The following TAPT1 variants were observed in gnomAD, a reference collection of about 807,000 sequenced individuals.
TAPT1 encodes transmembrane anterior posterior transformation 1, also known as transmembrane anterior posterior transformation protein 1 homolog.
TAPT1 carries 28 observed loss-of-function variants against 65.6 expected under a neutral mutation model. The ratio of observed to expected loss-of-function variants is 0.43; its 90% CI spans 0.32 to 0.59. TAPT1 has a LOEUF of 0.59. Among genes scored for constraint, TAPT1 ranks in the 20% least tolerant of loss-of-function variants. The probability of loss-of-function intolerance (pLI) is 0.09; values close to 1 mark genes in which losing one functional copy is unlikely to be tolerated. For missense variants in TAPT1, 563 were observed against 679.9 expected, an observed-to-expected ratio of 0.83 and a Z score of 1.91; for synonymous variants, 278 against 245.2, an observed-to-expected ratio of 1.13 and a Z score of -1.25.
chr4:16,212,522 G>A (rs566063879), intron 2 of TAPT1, among the ~76,000 whole-genome samples: 229 of 152,212 alleles, frequency 1.5e-3, no homozygotes, highest in African/African-American at 5.2e-3. Context: ...CAAAATCTTC[G>A]ATAAATCTCA....
chr4:16,220,525 T>C (rs562593340), intron 1 of TAPT1, among the ~76,000 whole-genome samples: 2 of 152,150 alleles, frequency 1.3e-5, no homozygotes, highest in Admixed American at 6.5e-5. Context: ...CCAAGGCGGG[T>C]GGATCCCAAT....
At position 16,164,989 on chromosome 4, in the gene TAPT1, A is replaced by G. The variant is rs535332727; in HGVS notation, c.1475-1452T>C. ...CCTCTCCTCCCTCTTTCTGAAGCAC[A>G]CTCCACACTTGCCATATTGAGCTGC... On this transcript the variant is annotated intron_variant, in intron 13 of 13. Coordinates refer to ENST00000405303, the MANE Select transcript of TAPT1 (RefSeq NM_153365.3). 3.3e-5 allele frequency among the ~76,000 whole-genome samples: 5 copies of G among 152,062 alleles called. No homozygotes were observed. The South Asian group carries it at 1.0e-3, about 32-fold the overall frequency.
Position 16,176,187 on chromosome 4 carries a change from C to A in TAPT1, c.1039G>T (p.Ala347Ser). 6.3e-7 allele frequency: 1 copy of A among 1,577,134 alleles called. No homozygotes were observed. Among genetic ancestry groups the A allele is most frequent in the Non-Finnish European group, 8.6e-7 (1 of 1,160,634 alleles). The change falls in exon 9 of 14, where the codon GCA becomes TCA. Residue 347 changes from alanine (A) to serine (S), a missense_variant. Ala to Ser is a moderately conservative substitution (Grantham distance 99). This residue lies in a region of TAPT1 where 104 missense variants were observed against 102.5 expected (regional missense o/e 1.01). Transcript: ENST00000405303. The part of the protein sequence containing the change: ...VLFPDVCMVI[A>S]SEIAVDIVKH... Reference sequence around the variant, plus strand: ...ACAATATCCACGGCAATTTCTGATGCAATTACCATACAGACATCTGGAAAC... The same window carrying A: ...ACAATATCCACGGCAATTTCTGATGAAATTACCATACAGACATCTGGAAAC...
Position 16,176,133 on chromosome 4 carries a change from C to T in TAPT1, c.1093G>A (p.Asp365Asn). 1.3e-6 allele frequency: 2 copies of T among 1,526,034 alleles called. No homozygotes were observed. The highest frequency in any genetic ancestry group is 1.8e-6 in the Non-Finnish European group (2 of 1,123,128). The allele number at this position is 1,526,034 out of a possible 1,614,324, so 94.5% of individuals were successfully genotyped here. ...AAAATACATACATCTGCAGTAATGT[C>T]ATTGAATTTAGTAATAAAGGCATGT... is the stretch of plus-strand genomic sequence containing the variant. ...VKHAFITKFN[D>N]ITADVYSEYR... Residue 365 changes from aspartate (D) to asparagine (N), a missense_variant, in exon 9 of 14, where the codon GAC becomes AAC. Physicochemically the swap from Asp to Asn is conservative, Grantham distance 23. Coordinates refer to ENST00000405303, the MANE Select transcript of TAPT1 (RefSeq NM_153365.3).
At chr4:16,192,649 T>G (rs1749442431) in intron 3 of TAPT1, among the ~76,000 whole-genome samples, 1 of 152,212 alleles carries the variant, frequency 6.6e-6, no homozygotes, top group Non-Finnish European at 1.5e-5. Context: ...AAAATTCTTG[T>G]GATAAGAATG....
chr4:16,194,681 G>T (rs1749583842), intron 3 of TAPT1, among the ~76,000 whole-genome samples: 1 of 151,916 alleles, frequency 6.6e-6, no homozygotes. Context: ...ATATATATAC[G>T]ATATACACAT....
Position 16,162,391 on chromosome 4 carries a change from T to C in TAPT1, c.*917A>G, listed in dbSNP as rs1394466977. On this transcript the variant is annotated 3_prime_UTR_variant, in exon 14 of 14. Transcript: ENST00000405303. ...CACACTTGGAGCATTTACTTTACAG[T>C]TAAAGTTGACAGTTTTGAATTTTGT... The C allele has an allele frequency of 6.5e-6, 1 of 152,874 alleles. No individual in the cohort carries two copies. Among genetic ancestry groups the C allele is most frequent in the African/African-American group, 2.4e-5 (1 of 41,440 alleles). The allele number at this position is 152,874 out of a possible 1,614,324, so 9.5% of individuals were successfully genotyped here. A position where few individuals can be genotyped will look rare whatever the true frequency, so the allele number is the denominator to read the frequency against.
At chr4:16,220,253 T>C (rs1751169973) in intron 1 of TAPT1, among the ~76,000 whole-genome samples, 1 of 152,264 alleles carries the variant, frequency 6.6e-6, no homozygotes, top group African/African-American at 2.4e-5. Context: ...CCAAGAACTC[T>C]GACAGCTAAG....
chr4:16,211,346 A>C (rs1191050001), intron 2 of TAPT1, among the ~76,000 whole-genome samples: 1 of 152,196 alleles, frequency 6.6e-6, no homozygotes, highest in African/African-American at 2.4e-5. Flanking sequence ...TCATAATAAA[A>C]ACTTTAAGTG....
At position 16,187,770 on chromosome 4, in the gene TAPT1, C is replaced by A. The variant is rs115143988; in HGVS notation, c.748+450G>T. ...AAGCTTAAAGCCAGGGAAGAATACA[C>A]AAACACATAAAACCACCAAAACTCC... On this transcript the variant is annotated intron_variant, in intron 5 of 13. Coordinates refer to ENST00000405303, the MANE Select transcript of TAPT1 (RefSeq NM_153365.3). 4.7e-3 allele frequency among the ~76,000 whole-genome samples: 720 copies of A among 152,212 alleles called. 7 individuals are homozygous for A. Among genetic ancestry groups the A allele is most frequent in the African/African-American group, 0.017 (691 of 41,524 alleles).
rs35879842 is a variant in TAPT1, at chr4:16,220,980, C to T, written c.199+5279G>A. Among the ~76,000 whole-genome samples, 892 of 152,166 alleles carry T rather than the reference C, an allele frequency of 5.9e-3. 3 individuals carry two copies. Among genetic ancestry groups the T allele is most frequent in the Non-Finnish European group, 0.01 (682 of 68,016 alleles). ...AACTCCTAGGCTCAAGCAATCCACC[C>T]GCCTTGGCCTCTCCAAGTGCTACGA... On this transcript the variant is annotated intron_variant, in intron 1 of 13. Coordinates refer to ENST00000405303, the MANE Select transcript of TAPT1 (RefSeq NM_153365.3).
At position 16,162,605 on chromosome 4, in the gene TAPT1, C is replaced by T. The variant is rs971819934; in HGVS notation, c.*703G>A. On this transcript the variant is annotated 3_prime_UTR_variant, in exon 14 of 14. Coordinates refer to ENST00000405303, the MANE Select transcript of TAPT1 (RefSeq NM_153365.3). Reference sequence around the variant, plus strand: ...CACCAATTAAATGACATACAGCTCACATTTTGCTTTAAAGAGTAAACTGAA... The same window carrying T: ...CACCAATTAAATGACATACAGCTCATATTTTGCTTTAAAGAGTAAACTGAA... 3.2e-5 allele frequency: 5 copies of T among 154,966 alleles called. No homozygotes were observed. The highest frequency in any genetic ancestry group is 1.2e-4 in the African/African-American group (5 of 41,448). The allele number at this position is 154,966 out of a possible 1,614,324, so 9.6% of individuals were successfully genotyped here. A position where few individuals can be genotyped will look rare whatever the true frequency, so the allele number is the denominator to read the frequency against.
intron 7 of TAPT1, among the ~76,000 whole-genome samples, chr4:16,185,463 G>C (rs891954648): frequency 7.9e-5 from 12 of 151,524 alleles, no homozygotes; most frequent in Admixed American, 1.3e-4. Context: ...CCGCCTCCCA[G>C]GTTCAAGCAA....
rs2149659354 is a variant in TAPT1 at position 16,162,341 on chromosome 4, G to A, written c.*967C>T. 1 of 153,026 alleles carries A rather than the reference G, an allele frequency of 6.5e-6. No homozygotes were observed. Among genetic ancestry groups the A allele is most frequent in the Non-Finnish European group, 1.5e-5 (1 of 68,090 alleles). The allele number at this position is 153,026 out of a possible 1,614,324, so 9.5% of individuals were successfully genotyped here. ...ACACAAAGACTAATGCATTTGGTAA[G>A]CCCAAGCAAGATGATGCTGTCTAAC... On this transcript the variant is annotated 3_prime_UTR_variant, in exon 14 of 14. Coordinates refer to ENST00000405303, the MANE Select transcript of TAPT1 (RefSeq NM_153365.3).
intron 3 of TAPT1, among the ~76,000 whole-genome samples, chr4:16,192,485 T>G (rs1413426783): frequency 6.6e-6 from 1 of 152,244 alleles, no homozygotes; most frequent in Non-Finnish European, 1.5e-5. Context: ...TTGAAATATT[T>G]TTTTCATAAT....
At chr4:16,223,377 T>C (rs894812497) in intron 1 of TAPT1, among the ~76,000 whole-genome samples, 1 of 152,230 alleles carries the variant, frequency 6.6e-6, no homozygotes, top group Non-Finnish European at 1.5e-5. Flanking sequence ...CAGAAGTTGG[T>C]AGTATTTTCA....
rs1751561478 is a variant in TAPT1 at position 16,226,338 on chromosome 4, G to A, written c.120C>T (p.Pro40=). ...EQPGGSGGQG[P]PPAPQLTETL... ...TCTCTGTGAGCTGAGGCGCCGGCGG[G>A]GGCCCCTGTCCGCCGCTGCCGCCCG... The change falls in exon 1 of 14, where the codon CCC becomes CCT. Residue 40 remains proline (P), a synonymous_variant. Coordinates refer to ENST00000405303, the MANE Select transcript of TAPT1 (RefSeq NM_153365.3). 9 of 1,118,998 alleles carry A rather than the reference G, an allele frequency of 8.0e-6. No individual in the cohort carries two copies. Among genetic ancestry groups the A allele is most frequent in the Non-Finnish European group, 8.7e-6 (8 of 916,436 alleles). The allele number at this position is 1,118,998 out of a possible 1,614,324, so 69.3% of individuals were successfully genotyped here.
intron 1 of TAPT1, 27 bp from the exon 2 acceptor site, chr4:16,213,925 A>G (rs1341570171): frequency 1.9e-6 from 3 of 1,576,338 alleles, no homozygotes; most frequent in South Asian, 2.4e-5. Context: ...GACAGAAAAC[A>G]AAAAGAACAG....
At chr4:16,221,385 C>G (rs751687469) in intron 1 of TAPT1, among the ~76,000 whole-genome samples, 1 of 152,202 alleles carries the variant, frequency 6.6e-6, no homozygotes, top group Non-Finnish European at 1.5e-5. Flanking sequence ...CTCAGCCTCC[C>G]AAAGTGCTGG....
Sources: gnomAD v4.1 joint callset for allele counts (sites outside exome capture counted in the v4.1 genomes callset) on GRCh38, gnomAD v4.1.1 for gene constraint, gnomAD v4.1.1 regional missense constraint, MANE v1.5 for transcripts, NCBI Gene and HGNC (gene_info 2026-07-23, HGNC 2026-07-21) for gene names.